HERC1: variants seen among roughly 807,000 people sequenced by gnomAD.
HERC1 encodes the protein probable E3 ubiquitin-protein ligase HERC1.
A neutral mutation model predicts 554.3 loss-of-function variants in HERC1; 160 were observed. That is an observed-to-expected ratio of 0.29 (90% CI 0.25 to 0.33). The LOEUF (loss-of-function observed/expected upper bound fraction) is 0.33. Among genes scored for constraint, HERC1 ranks in the 10% least tolerant of loss-of-function variants. HERC1 has a pLI of 1.00. For synonymous variants in HERC1, 2,175 were observed against 2,131.7 expected (o/e 1.02, Z -0.56); for missense variants, 4,919 against 5,918.5 (o/e 0.83, Z 5.54).
intron 55 of HERC1, 35 bp from the exon 56 acceptor site, chr15:63,645,717 A>C: frequency 8.0e-7 from 1 of 1,252,198 alleles, no homozygotes; most frequent in Middle Eastern, 1.9e-4. Context: ...AAATCAGAGT[A>C]ATGTTTCCTT....
Position 63,661,045 on chromosome 15 carries a change from C to G in HERC1, c.9171-20G>C. On this transcript the variant is annotated intron_variant, in intron 45 of 77. Coordinates refer to ENST00000443617, the MANE Select transcript of HERC1 (RefSeq NM_003922.4). ...TTGTACCTGCACCAAACATGAAGAA[C>G]ATTGCATTTTTATATAAAACAGTTA... 6.3e-7 allele frequency: 1 copy of G among 1,597,808 alleles called. No individual in the cohort carries two copies. The highest frequency in any genetic ancestry group is 8.6e-7 in the Non-Finnish European group (1 of 1,165,710).
rs769231822 is a variant in HERC1, at chr15:63,678,140, G to A, written c.6775C>T (p.Arg2259Cys). ...TTTTCCTCTCGGCTCTGAACCGAGC[G>A]GCTTTTCTTTAGCTTCTGACCTGAC... ...KESGQKLKKS[R>C]SVQSREENEM... Residue 2259 changes from arginine to cysteine, a missense_variant, in exon 37 of 78, where the codon CGC becomes TGC. Physicochemically the swap from Arg to Cys is radical, Grantham distance 180. Coordinates refer to ENST00000443617, the MANE Select transcript of HERC1 (RefSeq NM_003922.4). 13 of 1,613,758 alleles carry A rather than the reference G, an allele frequency of 8.1e-6. No individual in the cohort carries two copies. Among genetic ancestry groups the A allele is most frequent in the Middle Eastern group, 1.6e-4 (1 of 6,084 alleles).
intron 1 of HERC1, among the ~76,000 whole-genome samples, chr15:63,814,028 C>T (rs2077413833): frequency 6.6e-6 from 1 of 152,098 alleles, no homozygotes; most frequent in Non-Finnish European, 1.5e-5. Flanking sequence ...CATTGCACTC[C>T]AGCCTGGGTG....
intron 31 of HERC1, among the ~76,000 whole-genome samples, chr15:63,691,180 C>T (rs916310714): frequency 2.6e-5 from 4 of 152,066 alleles, no homozygotes; most frequent in African/African-American, 7.2e-5. Flanking sequence ...TAAAGTAAGC[C>T]AACAGCCGGG....
chr15:63,737,829 C>T (rs1330366000), intron 12 of HERC1, among the ~76,000 whole-genome samples: 3 of 151,888 alleles, frequency 2.0e-5, no homozygotes, highest in Admixed American at 6.6e-5. Context: ...AAATTTGAAG[C>T]ACACTGATTT....
At chr15:63,737,852 C>T (rs973076081) in intron 12 of HERC1, among the ~76,000 whole-genome samples, 4 of 152,084 alleles carry the variant, frequency 2.6e-5, no homozygotes, top group East Asian at 3.9e-4. Flanking sequence ...TAAGTAACAC[C>T]GCTGAAAACT....
rs1487664057 is a variant in HERC1 at position 63,786,934 on chromosome 15, TA to T, written c.-26-11286del. ...AATAAATTATTATTTTTTTTTTTTT[TA>T]TTTTTTGAGACGGAGTTTCACTCTT... On this transcript the variant is annotated intron_variant, in intron 1 of 77. Coordinates refer to ENST00000443617, the MANE Select transcript of HERC1 (RefSeq NM_003922.4). Among the ~76,000 whole-genome samples, 1,053 of 149,358 alleles carry T rather than the reference TA, an allele frequency of 7.1e-3. 24 individuals carry two copies. The highest frequency in any genetic ancestry group is 0.024 in the African/African-American group (955 of 40,492).
In HERC1 at chr15:63,615,797, C is replaced by A. The variant is rs2067789686; in HGVS notation, c.14065G>T (p.Glu4689Ter). The A allele has an allele frequency of 6.2e-7, 1 of 1,603,884 alleles. No homozygotes were observed. The highest frequency in any genetic ancestry group is 1.3e-5 in the African/African-American group (1 of 74,246). ...CTGTCCATCTCATGAAGTCGATATT[C>A]AATGGCCCTCTCCACATATTCCTTC... ...NRKEYVERAI[E>*]YRLHEMDRQV... The change falls in exon 76 of 78, where the codon GAA (glutamate) becomes TAA (stop). Residue 4689 changes from glutamate (E) to a stop codon, truncating the protein, a stop_gained. Coordinates refer to ENST00000443617, the MANE Select transcript of HERC1 (RefSeq NM_003922.4). LOFTEE classifies it high-confidence loss of function.
At chr15:63,793,795 T>C (rs969798363) in intron 1 of HERC1, among the ~76,000 whole-genome samples, 5 of 152,082 alleles carry the variant, frequency 3.3e-5, no homozygotes, top group African/African-American at 1.2e-4. Context: ...AAGTTCCCTG[T>C]GTTAGAGATG....
intron 70 of HERC1, among the ~76,000 whole-genome samples, 200 bp from the exon 71 acceptor site, chr15:63,626,354 AAAAAT>A (rs1051025798): frequency 3.9e-5 from 6 of 152,234 alleles, no homozygotes; most frequent in African/African-American, 1.4e-4. Context: ...GGGCGGAGAA[AAAAAT>A]AAAATAAAAT....
At chr15:63,707,057 T>G (rs1234949473) in intron 24 of HERC1, among the ~76,000 whole-genome samples, 1 of 152,204 alleles carries the variant, frequency 6.6e-6, no homozygotes, top group Non-Finnish European at 1.5e-5. Context: ...AAACTCACAT[T>G]AATTAACATT....
Position 63,655,942 on chromosome 15 carries a change from G to A in HERC1, c.9884C>T (p.Ala3295Val). The A allele has an allele frequency of 6.2e-7, 1 of 1,611,738 alleles. No homozygotes were observed. Among genetic ancestry groups the A allele is most frequent in the East Asian group, 2.2e-5 (1 of 44,798 alleles). Residue 3295 changes from alanine (A) to valine (V), a missense_variant, in exon 50 of 78, where the codon GCT (alanine) becomes GTT (valine). Transcript: ENST00000443617. ...TGTGGTTAGATTTACACCTGTTGCA[G>A]CAGAAATCAAGTTCTGAAGAAGCAA... ...VQLCTQNLIS[A>V]ATGVNLTTVD...
At chr15:63,660,936 A>T (rs1424911861) in intron 46 of HERC1, 37 bp downstream of exon 46, 1 of 1,292,542 alleles carries the variant, frequency 7.7e-7, no homozygotes, top group Non-Finnish European at 1.1e-6. Context: ...ATATATAAAA[A>T]AACATGTAAA....
At chr15:63,737,479 C>A (rs1364970235) in intron 12 of HERC1, among the ~76,000 whole-genome samples, 1 of 69,596 alleles carries the variant, frequency 1.4e-5, no homozygotes, top group East Asian at 3.0e-4. Context: ...ATCTTTTTTC[C>A]AGATATATAT....
At chr15:63,682,688 A>C (rs2071538043) in intron 34 of HERC1, among the ~76,000 whole-genome samples, 1 of 152,226 alleles carries the variant, frequency 6.6e-6, no homozygotes. Context: ...TGCTATTGCT[A>C]CAGCAGGTTC....
intron 59 of HERC1, 74 bp from the exon 60 acceptor site, chr15:63,641,717 G>T: frequency 8.0e-7 from 1 of 1,255,174 alleles, no homozygotes. Flanking sequence ...TTTAATCTGC[G>T]AAATTCCTTC....
intron 43 of HERC1, among the ~76,000 whole-genome samples, 177 bp from the exon 44 acceptor site, chr15:63,663,381 GATA>G (rs1215358667): frequency 6.6e-6 from 1 of 152,142 alleles, no homozygotes; most frequent in Non-Finnish European, 1.5e-5. Flanking sequence ...TGCAAAAGGG[GATA>G]ATAATAGCAC....
chr15:63,672,831 T>G, intron 38 of HERC1, 137 bp from the exon 39 acceptor site: 2 of 643,354 alleles, frequency 3.1e-6, no homozygotes, highest in South Asian at 2.1e-5. Flanking sequence ...TATGAAAGAT[T>G]GACAGAAAAA....
chr15:63,637,868 T>C (rs908943041), intron 63 of HERC1, among the ~76,000 whole-genome samples: 1 of 152,132 alleles, frequency 6.6e-6, no homozygotes, highest in African/African-American at 2.4e-5. Context: ...TAAAATAGTT[T>C]AGAACAACAA....
Sources: allele counts gnomAD v4.1 joint callset (sites outside exome capture counted in the v4.1 genomes callset), GRCh38; gene constraint gnomAD v4.1.1; transcripts MANE v1.5; gene names NCBI Gene and HGNC (gene_info 2026-07-23, HGNC 2026-07-21).